The following NUP133 variants were observed in gnomAD, a reference collection of about 807,000 sequenced individuals.
The protein encoded by NUP133 is nucleoporin 133.
A neutral mutation model predicts 146.2 loss-of-function variants in NUP133; 66 were observed. That is an observed-to-expected ratio of 0.45 (90% CI 0.37 to 0.55). The LOEUF (loss-of-function observed/expected upper bound fraction) is 0.55, where lower values mean the gene tolerates loss of function less well. NUP133 is among the 20% of genes least tolerant of loss of function. The pLI, the probability that NUP133 is intolerant of heterozygous loss-of-function variation, is 0.00. For missense variants in NUP133, 1,277 were observed against 1,374.8 expected (o/e 0.93, Z 1.12); for synonymous variants, 521 against 498.8 (o/e 1.04, Z -0.59).
chr1:229,486,904 A>G (rs375372919), intron 10 of NUP133, among the ~76,000 whole-genome samples: 8,838 of 91,810 alleles, frequency 0.096, 368 homozygotes, highest in Non-Finnish European at 0.15. Context: ...TGGGGACTGG[A>G]AAAAAAAAAA....
At position 229,490,115 on chromosome 1, in the gene NUP133, A is replaced by C. The variant is rs748118521; in HGVS notation, c.1047-13T>G. 1 of 1,530,708 alleles carries C rather than the reference A, an allele frequency of 6.5e-7. No individual in the cohort carries two copies. The allele number at this position is 1,530,708 out of a possible 1,614,324, so 94.8% of individuals were successfully genotyped here. A position where few individuals can be genotyped will look rare whatever the true frequency, so the allele number is the denominator to read the frequency against. On this transcript the variant is annotated splice_polypyrimidine_tract_variant and intron_variant, in intron 8 of 25. Coordinates refer to ENST00000261396, the MANE Select transcript of NUP133 (RefSeq NM_018230.3). ...CACCAGCCCATCACTAATCAATAAA[A>C]AAGGAAGATGTAAAGCCTCTCTAAA...
At chr1:229,477,882 A>C (rs780201839) in intron 12 of NUP133, 122 bp from the exon 13 acceptor site, 6 of 676,226 alleles carry the variant, frequency 8.9e-6, no homozygotes, top group Non-Finnish European at 1.5e-5. Context: ...TGTCATTCGC[A>C]ACAGTAGGGA....
At chr1:229,449,476 C>T (rs950840836) in intron 23 of NUP133, among the ~76,000 whole-genome samples, 2 of 151,480 alleles carry the variant, frequency 1.3e-5, no homozygotes, top group African/African-American at 4.9e-5. Context: ...CAAGCAATTC[C>T]CCTACCTCAG....
chr1:229,467,120 AT>A lies in NUP133; in HGVS notation c.2077-365del, dbSNP rs746683891. On this transcript the variant is annotated intron_variant, in intron 15 of 25. Transcript: ENST00000261396. ...ACTAATGAACTAATAGACTAAAATA[AT>A]GACCTCAAAAAGTGAACTTGCTAAT... is the stretch of plus-strand genomic sequence containing the variant. Among the ~76,000 whole-genome samples, 31 of 152,350 alleles carry A rather than the reference AT, an allele frequency of 2.0e-4. No individual in the cohort carries two copies. In the Middle Eastern group the frequency reaches 0.014, roughly 67 times the overall value.
Position 229,495,481 on chromosome 1 carries a change from A to C in NUP133, c.1046+14T>G. 1.9e-6 allele frequency: 3 copies of C among 1,590,834 alleles called. No individual in the cohort carries two copies. Among genetic ancestry groups the C allele is most frequent in the Non-Finnish European group, 2.6e-6 (3 of 1,160,380 alleles). Reference sequence around the variant, plus strand: ...ACTCTTCTCTATGTTCTTTACGACAAATTAATTGCTTACCAGTTTTGCTTC... The same window carrying C: ...ACTCTTCTCTATGTTCTTTACGACACATTAATTGCTTACCAGTTTTGCTTC... On this transcript the variant is annotated intron_variant, in intron 8 of 25. Coordinates refer to ENST00000261396, the MANE Select transcript of NUP133 (RefSeq NM_018230.3).
rs1308075953 is a variant in NUP133, at chr1:229,470,616, T to C, written c.2040A>G (p.Pro680=). 6.2e-7 allele frequency: 1 copy of C among 1,614,096 alleles called. No homozygotes were observed. The highest frequency in any genetic ancestry group is 8.5e-7 in the Non-Finnish European group (1 of 1,180,034). Residue 680 remains proline, a synonymous_variant, in exon 15 of 26, where the codon CCA becomes CCG. Coordinates refer to ENST00000261396, the MANE Select transcript of NUP133 (RefSeq NM_018230.3). ...IALNKREYEI[P]SNLTPADVFF... ...AGACATCTGCAGGAGTCAGGTTGGA[T>C]GGGATTTCATACTCCCTCTTGTTCA... is the stretch of plus-strand genomic sequence containing the variant.
At chr1:229,467,788 C>T (rs1403375136) in intron 15 of NUP133, among the ~76,000 whole-genome samples, 1 of 151,726 alleles carries the variant, frequency 6.6e-6, no homozygotes, top group Non-Finnish European at 1.5e-5. Context: ...AGCTGGGCGT[C>T]GTGGCGTGCA....
chr1:229,472,143 C>A (rs940914315), intron 14 of NUP133, among the ~76,000 whole-genome samples: 1 of 151,326 alleles, frequency 6.6e-6, no homozygotes, highest in Non-Finnish European at 1.5e-5. Flanking sequence ...AACAGTGAAA[C>A]CCCGTCTCTA....
chr1:229,505,386 T>C (rs1194701219), intron 2 of NUP133, among the ~76,000 whole-genome samples: 3 of 151,536 alleles, frequency 2.0e-5, no homozygotes, highest in Non-Finnish European at 4.4e-5. Context: ...AAAAACACAG[T>C]ATATATAAGG....
rs1440117460 is a variant in NUP133, at chr1:229,477,763, GAAATA to G, written c.1593-8_1593-4del. On this transcript the variant is annotated splice_region_variant and splice_polypyrimidine_tract_variant and intron_variant, in intron 12 of 25. Coordinates refer to ENST00000261396, the MANE Select transcript of NUP133 (RefSeq NM_018230.3). ...TTTGAGCATGACCTAAATCTTTTCT[GAAATA>G]AAATTGGAAAACACAAGTATTAAGG... 1 of 1,597,606 alleles carries G rather than the reference GAAATA, an allele frequency of 6.3e-7. No homozygotes were observed. Among genetic ancestry groups the G allele is most frequent in the Non-Finnish European group, 8.5e-7 (1 of 1,170,840 alleles).
At chr1:229,489,459 T>C (rs187438930) in intron 9 of NUP133, among the ~76,000 whole-genome samples, 25 of 152,368 alleles carry the variant, frequency 1.6e-4, no homozygotes, top group Non-Finnish European at 3.5e-4. Context: ...TCATTTTTCT[T>C]TAGTCAAAAC....
intron 11 of NUP133, among the ~76,000 whole-genome samples, chr1:229,484,649 G>A (rs16849844): frequency 0.19 from 28,941 of 152,040 alleles, 2,960 homozygotes; most frequent in Middle Eastern, 0.25. Context: ...GCTCTTACAC[G>A]ACTCATCACA....
intron 25 of NUP133, among the ~76,000 whole-genome samples, chr1:229,442,688 A>C: frequency 6.6e-6 from 1 of 151,472 alleles, no homozygotes; most frequent in East Asian, 1.9e-4. Context: ...AAAAAAACTC[A>C]AAGGGCCTTG....
Position 229,441,597 on chromosome 1 carries a change from T to TTG in NUP133, c.*305_*306dup. On this transcript the variant is annotated 3_prime_UTR_variant, in exon 26 of 26. Coordinates refer to ENST00000261396, the MANE Select transcript of NUP133 (RefSeq NM_018230.3). ...GCAGAAACTGAGGCCTAGAAGTGATTTGTACATGTGAGCAGCTAGAACCAG... is the reference window on the plus strand; with the variant it reads ...GCAGAAACTGAGGCCTAGAAGTGATTTGTGTACATGTGAGCAGCTAGAACCAG... 2.4e-6 allele frequency: 1 copy of TTG among 413,004 alleles called. No homozygotes were observed. The highest frequency in any genetic ancestry group is 1.9e-5 in the South Asian group (1 of 52,012). 25.6% of individuals were successfully genotyped at this position (413,004 alleles called of 1,614,324 possible). A position where few individuals can be genotyped will look rare whatever the true frequency, so the allele number is the denominator to read the frequency against.
chr1:229,461,888 T>A (rs2102756003), intron 19 of NUP133, among the ~76,000 whole-genome samples: 1 of 133,662 alleles, frequency 7.5e-6, no homozygotes, highest in South Asian at 2.2e-4. Flanking sequence ...ACTACTGACC[T>A]TTTTTTTTTT....
At chr1:229,453,459 G>T (rs114453535) in intron 21 of NUP133, among the ~76,000 whole-genome samples, 1 of 144,190 alleles carries the variant, frequency 6.9e-6, no homozygotes, top group South Asian at 2.1e-4. Context: ...AAGGTTTATG[G>T]TATTGCATTA....
intron 21 of NUP133, among the ~76,000 whole-genome samples, chr1:229,453,682 T>C (rs1007345631): frequency 2.0e-5 from 3 of 152,186 alleles, no homozygotes; most frequent in Admixed American, 6.5e-5. Flanking sequence ...ACAATAGCAA[T>C]AGGAGGTGGC....
In NUP133 at chr1:229,441,104, A is replaced by G. The variant is rs1248837574; in HGVS notation, c.*800T>C. 8.4e-5 allele frequency: 22 copies of G among 262,690 alleles called. No homozygotes were observed. The highest frequency in any genetic ancestry group is 3.2e-3 in the Middle Eastern group (2 of 634). The allele number at this position is 262,690 out of a possible 1,614,324, so 16.3% of individuals were successfully genotyped here. A position where few individuals can be genotyped will look rare whatever the true frequency, so the allele number is the denominator to read the frequency against. ...ACCTTTCAGTCACATCAATTGCCATATTAGGAAAACCTATAATGGTTTCTA... is the reference window on the plus strand; with the variant it reads ...ACCTTTCAGTCACATCAATTGCCATGTTAGGAAAACCTATAATGGTTTCTA... On this transcript the variant is annotated 3_prime_UTR_variant, in exon 26 of 26. Transcript: ENST00000261396.
chr1:229,452,199 T>G (rs1208934465), intron 22 of NUP133, among the ~76,000 whole-genome samples: 3 of 152,186 alleles, frequency 2.0e-5, no homozygotes, highest in Non-Finnish European at 4.4e-5. Context: ...ATAGAAGAGC[T>G]TGAAAAGTAA....
Sources: allele counts gnomAD v4.1 joint callset (sites outside exome capture counted in the v4.1 genomes callset), GRCh38; gene constraint gnomAD v4.1.1; transcripts MANE v1.5; gene names NCBI Gene and HGNC (gene_info 2026-07-23, HGNC 2026-07-21).